ENOX2: variants seen among roughly 807,000 people sequenced by gnomAD.
ENOX2 encodes APK1 antigen.
In ENOX2, 36 loss-of-function variants were observed where a neutral mutation model predicts 45.0. That is an observed-to-expected ratio of 0.80 (90% CI 0.61 to 1.06). The LOEUF (loss-of-function observed/expected upper bound fraction) is 1.06, where lower values mean the gene tolerates loss of function less well. Ranked by LOEUF, ENOX2 falls within the 50% of genes least tolerant of loss-of-function variation. The pLI is 0.00. For synonymous variants in ENOX2, 174 were observed against 152.3 expected (o/e 1.14, Z -1.05); for missense variants, 423 against 462.5 (o/e 0.91, Z 0.78).
At chrX:130,753,539 T>C (rs1459067486) in intron 3 of ENOX2, among the ~76,000 whole-genome samples, 2 of 111,229 alleles carry the variant, frequency 1.8e-5, no homozygotes, top group Admixed American at 1.9e-4. Context: ...TATCCACCTC[T>C]GTCCATTCCT....
intron 2 of ENOX2, among the ~76,000 whole-genome samples, chrX:130,895,970 T>C (rs1052929249): frequency 3.5e-5 from 4 of 112,698 alleles, no homozygotes; most frequent in Admixed American, 1.9e-4. Context: ...TTTAAACAAA[T>C]AGCAAAAAGC....
intron 3 of ENOX2, among the ~76,000 whole-genome samples, chrX:130,743,446 G>A (rs1317027315): frequency 9.1e-6 from 1 of 109,835 alleles, no homozygotes; most frequent in Non-Finnish European, 1.9e-5. Flanking sequence ...CTGGGGTGAA[G>A]TGTTTGGAAA....
chrX:130,808,602 C>T (rs1024944089), intron 2 of ENOX2, among the ~76,000 whole-genome samples: 5 of 111,817 alleles, frequency 4.5e-5, no homozygotes, highest in Non-Finnish European at 7.5e-5. Context: ...GCATATGCAG[C>T]GTTGGAAAGA....
At chrX:130,740,650 G>C (rs1345103504) in intron 3 of ENOX2, among the ~76,000 whole-genome samples, 1 of 111,741 alleles carries the variant, frequency 8.9e-6, no homozygotes, top group Non-Finnish European at 1.9e-5. Context: ...CTAAACCAAA[G>C]GGGCAGGCAT....
intron 2 of ENOX2, among the ~76,000 whole-genome samples, chrX:130,809,760 T>C (rs949128184): frequency 2.2e-4 from 24 of 110,605 alleles, no homozygotes; most frequent in Non-Finnish European, 4.4e-4. Flanking sequence ...TGTGTGTGTG[T>C]ATGTGTGCAT....
chrX:130,674,083 G>A (rs1232446045), intron 6 of ENOX2, among the ~76,000 whole-genome samples: 1 of 111,675 alleles, frequency 9.0e-6, no homozygotes, highest in Non-Finnish European at 1.9e-5. Context: ...TCACTTATAA[G>A]TGGGAGCTAA....
intron 5 of ENOX2, among the ~76,000 whole-genome samples, chrX:130,681,157 A>G (rs1190244649): frequency 8.9e-6 from 1 of 112,285 alleles, no homozygotes; most frequent in Non-Finnish European, 1.9e-5. Context: ...TCTTAGTCAC[A>G]AGCACTGAAG....
intron 2 of ENOX2, among the ~76,000 whole-genome samples, chrX:130,803,431 C>T (rs2077253547): frequency 9.0e-6 from 1 of 111,645 alleles, no homozygotes; most frequent in Admixed American, 9.5e-5. Flanking sequence ...AAAGAGAGCC[C>T]TTAGTGATCC....
intron 2 of ENOX2, among the ~76,000 whole-genome samples, chrX:130,792,980 G>C (rs190813554): frequency 7.1e-5 from 8 of 112,085 alleles, no homozygotes; most frequent in Admixed American, 6.6e-4. Flanking sequence ...TGCTGCTCTA[G>C]AGTCAGATCT....
intron 9 of ENOX2, among the ~76,000 whole-genome samples, chrX:130,659,446 A>G (rs2036629367): frequency 8.9e-6 from 1 of 112,123 alleles, no homozygotes; most frequent in African/African-American, 3.2e-5. Context: ...CTTGCTTGAG[A>G]AAAATGAACT....
intron 4 of ENOX2, among the ~76,000 whole-genome samples, chrX:130,695,323 A>G (rs1474749450): frequency 8.9e-6 from 1 of 112,094 alleles, no homozygotes; most frequent in East Asian, 2.8e-4. Flanking sequence ...TTGTGCCACA[A>G]AAGAAGTTGA....
chrX:130,688,015 T>C (rs2037491987), intron 5 of ENOX2, among the ~76,000 whole-genome samples: 1 of 112,009 alleles, frequency 8.9e-6, no homozygotes, highest in African/African-American at 3.2e-5. Flanking sequence ...ACTGAATGTA[T>C]CTCTTAACAA....
At chrX:130,750,429 T>A (rs936548289) in intron 3 of ENOX2, among the ~76,000 whole-genome samples, 1 of 111,970 alleles carries the variant, frequency 8.9e-6, no homozygotes, top group Admixed American at 9.5e-5. Context: ...CCAGCCTGTC[T>A]GTCCACTTGT....
chrX:130,684,419 A>C (rs2037391476), intron 5 of ENOX2, among the ~76,000 whole-genome samples: 1 of 112,292 alleles, frequency 8.9e-6, no homozygotes, highest in African/African-American at 3.2e-5. Flanking sequence ...CATTTTTTGT[A>C]CATTTGATGT....
At chrX:130,828,769 G>A (rs1454489229) in intron 2 of ENOX2, among the ~76,000 whole-genome samples, 2 of 111,712 alleles carry the variant, frequency 1.8e-5, no homozygotes, top group Non-Finnish European at 3.8e-5. Flanking sequence ...CTCATATGAT[G>A]CCTTTTCATC....
At chrX:130,844,863 A>G (rs1349169798) in intron 2 of ENOX2, among the ~76,000 whole-genome samples, 3 of 111,837 alleles carry the variant, frequency 2.7e-5, no homozygotes, top group African/African-American at 6.5e-5. Context: ...GCAAGGACCA[A>G]TTGTCTGCTG....
At chrX:130,879,221 G>A (rs1014746370) in intron 2 of ENOX2, among the ~76,000 whole-genome samples, 6 of 111,805 alleles carry the variant, frequency 5.4e-5, no homozygotes, top group Non-Finnish European at 7.5e-5. Context: ...CTGGGCAAGC[G>A]AGTGGCAATA....
intron 2 of ENOX2, among the ~76,000 whole-genome samples, chrX:130,852,775 A>C (rs1217463075): frequency 9.0e-6 from 1 of 111,526 alleles, no homozygotes; most frequent in Non-Finnish European, 1.9e-5. Flanking sequence ...TGAAGGGATG[A>C]AAAATGGCTG....
intron 7 of ENOX2, 138 bp downstream of exon 7, chrX:130,669,827 C>T: frequency 2.0e-6 from 1 of 493,259 alleles, no homozygotes; most frequent in Non-Finnish European, 3.4e-6. Context: ...TCTCTATCTG[C>T]AAGGCTCCAA....
Sources: gnomAD v4.1 joint callset for allele counts (sites outside exome capture counted in the v4.1 genomes callset) on GRCh38, gnomAD v4.1.1 for gene constraint, MANE v1.5 for transcripts, NCBI Gene and HGNC (gene_info 2026-07-23, HGNC 2026-07-21) for gene names.